WWOX: variants seen among roughly 807,000 people sequenced by gnomAD.
WWOX encodes WW domain-containing oxidoreductase.
Under a neutral mutation model 46.2 loss-of-function variants are expected in WWOX, and 69 were observed. That is an observed-to-expected ratio of 1.49 (90% CI 1.23 to 1.82). WWOX has a LOEUF of 1.82. Ranked by LOEUF, WWOX falls within the 40% of genes most tolerant of loss-of-function variation. The probability of loss-of-function intolerance (pLI) is 0.00; values close to 1 mark genes in which losing one functional copy is unlikely to be tolerated. For missense variants in WWOX, 919 were observed against 542.6 expected, an observed-to-expected ratio of 1.69 and a Z score of -6.89; for synonymous variants, 359 against 202.6, an observed-to-expected ratio of 1.77 and a Z score of -6.56.
Position 79,093,639 on chromosome 16 carries a change from C to T in WWOX, c.1057-117969C>T, listed in dbSNP as rs550209608. The stretch of plus-strand genomic sequence containing the variant: ...GTGGCCCATTGGCACCCACAACAAA[C>T]ATCACGACATTACTTTTACCGCACA... On this transcript the variant is annotated intron_variant, in intron 8 of 8. Transcript: ENST00000566780. 9.2e-5 allele frequency among the ~76,000 whole-genome samples: 14 copies of T among 152,346 alleles called. No individual in the cohort carries two copies. The South Asian group carries it at 2.9e-3, about 32-fold the overall frequency.
In WWOX at chr16:78,244,840, T is replaced by G. The variant is rs558376740; in HGVS notation, c.516+80551T>G. 2.6e-5 allele frequency among the ~76,000 whole-genome samples: 4 copies of G among 151,972 alleles called. No individual in the cohort carries two copies. The South Asian group carries it at 8.3e-4, about 32-fold the overall frequency. Reference sequence around the variant, plus strand: ...TTTTCTTTCCCCCTTGGAGTTCTGTTTCTTCTTAAAATTAGCTATTTCTCA... The same window carrying G: ...TTTTCTTTCCCCCTTGGAGTTCTGTGTCTTCTTAAAATTAGCTATTTCTCA... On this transcript the variant is annotated intron_variant, in intron 5 of 8. Transcript: ENST00000566780.
intron 8 of WWOX, among the ~76,000 whole-genome samples, chr16:78,855,141 A>G (rs530360476): frequency 4.6e-5 from 7 of 152,162 alleles, no homozygotes; most frequent in Non-Finnish European, 8.8e-5. Flanking sequence ...CTTTCTGTTA[A>G]TTTACAATTT....
chr16:78,234,068 A>G (rs1448103441), intron 5 of WWOX, among the ~76,000 whole-genome samples: 3 of 152,020 alleles, frequency 2.0e-5, no homozygotes, highest in Non-Finnish European at 4.4e-5. Flanking sequence ...TTAATTACCT[A>G]AAGGGAACTT....
intron 8 of WWOX, among the ~76,000 whole-genome samples, chr16:79,083,626 G>A (rs775569208): frequency 6.6e-6 from 1 of 152,178 alleles, no homozygotes; most frequent in African/African-American, 2.4e-5. Flanking sequence ...TCTAATGCAC[G>A]ATAAGACAGT....
intron 5 of WWOX, among the ~76,000 whole-genome samples, chr16:78,314,897 A>C (rs1389597624): frequency 6.6e-6 from 1 of 151,706 alleles, no homozygotes; most frequent in Non-Finnish European, 1.5e-5. Flanking sequence ...TTTTCCAGCA[A>C]CCTTCCCTCA....
chr16:78,533,142 A>C (rs2043664541), intron 8 of WWOX, among the ~76,000 whole-genome samples: 1 of 151,882 alleles, frequency 6.6e-6, no homozygotes, highest in South Asian at 2.1e-4. Flanking sequence ...TAAACCAACC[A>C]AAGGTTGGAG....
chr16:78,954,692 G>A (rs953556574), intron 8 of WWOX, among the ~76,000 whole-genome samples: 1 of 152,172 alleles, frequency 6.6e-6, no homozygotes, highest in African/African-American at 2.4e-5. Flanking sequence ...CCTGTAATGG[G>A]AGTCTAGGGT....
Position 78,612,604 on chromosome 16 carries a change from T to C in WWOX, c.1056+179852T>C, listed in dbSNP as rs2045927358. ...ATTCCTCCCACATCAGCCTGCCAAG[T>C]AGGACTACAGTTGTGCACTACCACA... On this transcript the variant is annotated intron_variant, in intron 8 of 8. Coordinates refer to ENST00000566780, the MANE Select transcript of WWOX (RefSeq NM_016373.4). Among the ~76,000 whole-genome samples, 7 of 152,290 alleles carry C rather than the reference T, an allele frequency of 4.6e-5. No individual in the cohort carries two copies. In the South Asian group the frequency reaches 1.5e-3, roughly 32 times the overall value.
intron 5 of WWOX, among the ~76,000 whole-genome samples, chr16:78,260,502 T>C (rs1394898959): frequency 1.3e-5 from 2 of 151,028 alleles, no homozygotes; most frequent in African/African-American, 4.9e-5. Context: ...CTGTCTCCAC[T>C]AAAAATACAA....
intron 8 of WWOX, among the ~76,000 whole-genome samples, chr16:78,841,159 A>G (rs768267239): frequency 5.9e-5 from 9 of 152,164 alleles, no homozygotes; most frequent in Admixed American, 1.3e-4. Flanking sequence ...CAGATACACA[A>G]CGTGCACTGG....
intron 5 of WWOX, among the ~76,000 whole-genome samples, chr16:78,165,893 TCTTA>T (rs1185154877): frequency 6.6e-6 from 1 of 152,180 alleles, no homozygotes; most frequent in East Asian, 1.9e-4. Context: ...GAAAACAGAG[TCTTA>T]CTTTTTCTGA....
At chr16:78,701,427 G>T (rs58493726) in intron 8 of WWOX, among the ~76,000 whole-genome samples, 3 of 152,076 alleles carry the variant, frequency 2.0e-5, no homozygotes, top group Non-Finnish European at 2.9e-5. Context: ...TCTGACAGGA[G>T]GTTGAAGGTC....
intron 4 of WWOX, among the ~76,000 whole-genome samples, chr16:78,137,195 A>C (rs978767664): frequency 6.6e-6 from 1 of 152,164 alleles, no homozygotes; most frequent in African/African-American, 2.4e-5. Flanking sequence ...CCAATAAGAG[A>C]GTGATGAAAA....
intron 8 of WWOX, among the ~76,000 whole-genome samples, chr16:78,465,676 G>C (rs1396500120): frequency 6.6e-6 from 1 of 152,180 alleles, no homozygotes; most frequent in Non-Finnish European, 1.5e-5. Flanking sequence ...CCTTGTAAAT[G>C]TTCCTTGGTA....
At chr16:78,123,440 G>GTTTTTTTTTTTTTGTTTTTT (rs2033203450) in intron 4 of WWOX, 1 of 50,500 alleles carries the variant, frequency 2.0e-5, no homozygotes. Context: ...TTTTTGTTTT[G>GTTTTTTTTTTTTTGTTTTTT]TTTTTTTTTT....
At chr16:79,202,910 T>C (rs1443582474) in intron 8 of WWOX, 1 of 152,218 alleles carries the variant, frequency 6.6e-6, no homozygotes, top group Admixed American at 6.5e-5. Context: ...TAGATAATAT[T>C]TGCATGATAG....
chr16:78,854,996 T>C (rs1024509506), intron 8 of WWOX, among the ~76,000 whole-genome samples: 1 of 152,098 alleles, frequency 6.6e-6, no homozygotes, highest in Non-Finnish European at 1.5e-5. Flanking sequence ...TACACTCCAT[T>C]ATTTTATTTA....
intron 8 of WWOX, among the ~76,000 whole-genome samples, chr16:78,684,114 T>A (rs1298280495): frequency 6.6e-6 from 1 of 152,230 alleles, no homozygotes; most frequent in East Asian, 1.9e-4. Context: ...CTCAACCTCA[T>A]GGCATCTTTT....
intron 8 of WWOX, among the ~76,000 whole-genome samples, chr16:79,150,217 T>C (rs1419560117): frequency 1.3e-5 from 2 of 152,194 alleles, no homozygotes; most frequent in African/African-American, 4.8e-5. Flanking sequence ...TCCCAAACCA[T>C]AGATTCATGG....
Sources: allele counts gnomAD v4.1 joint callset (sites outside exome capture counted in the v4.1 genomes callset), GRCh38; gene constraint gnomAD v4.1.1; transcripts MANE v1.5; gene names NCBI Gene and HGNC (gene_info 2026-07-23, HGNC 2026-07-21).